Variants in CNTNAP2 observed in about 807,000 individuals in gnomAD.
CNTNAP2 encodes contactin associated protein 2.
Under a neutral mutation model 155.2 loss-of-function variants are expected in CNTNAP2, and 98 were observed. The ratio of observed to expected loss-of-function variants is 0.63; its 90% CI spans 0.54 to 0.75. CNTNAP2 has a LOEUF of 0.75. Among genes scored for constraint, CNTNAP2 ranks in the 30% least tolerant of loss-of-function variants. The probability of loss-of-function intolerance (pLI) is 0.00; values close to 1 mark genes in which losing one functional copy is unlikely to be tolerated. For synonymous variants in CNTNAP2, 651 were observed against 631.2 expected (o/e 1.03, Z -0.47); for missense variants, 1,727 against 1,688.1 (o/e 1.02, Z -0.40).
intron 1 of CNTNAP2, among the ~76,000 whole-genome samples, chr7:146,187,742 C>A (rs1798644649): frequency 6.6e-6 from 1 of 152,024 alleles, no homozygotes; most frequent in South Asian, 2.1e-4. Context: ...GAAATTCAAC[C>A]AACAACACGG....
At chr7:146,720,921 A>G (rs557422749) in intron 1 of CNTNAP2, among the ~76,000 whole-genome samples, 2 of 142,516 alleles carry the variant, frequency 1.4e-5, no homozygotes, top group East Asian at 4.2e-4. Flanking sequence ...TACTCTCTAT[A>G]TATTCTATAT....
At chr7:147,171,100 G>A (rs1052613061) in intron 8 of CNTNAP2, among the ~76,000 whole-genome samples, 1 of 152,126 alleles carries the variant, frequency 6.6e-6, no homozygotes, top group Non-Finnish European at 1.5e-5. Flanking sequence ...ACATCCATTG[G>A]GGTTTTGGGG....
At chr7:146,877,698 T>A (rs760679881) in intron 3 of CNTNAP2, among the ~76,000 whole-genome samples, 52 of 151,842 alleles carry the variant, frequency 3.4e-4, no homozygotes, top group South Asian at 1.0e-3. Context: ...CTTTTAAACT[T>A]TTTTAGCAGC....
chr7:146,421,756 A>G (rs897414112), intron 1 of CNTNAP2, among the ~76,000 whole-genome samples: 7 of 152,120 alleles, frequency 4.6e-5, no homozygotes, highest in Admixed American at 2.6e-4. Flanking sequence ...ATAAGATAAC[A>G]TATACTGAGT....
chr7:146,897,324 G>C (rs1340911317), intron 3 of CNTNAP2, among the ~76,000 whole-genome samples: 1 of 152,100 alleles, frequency 6.6e-6, no homozygotes, highest in Non-Finnish European at 1.5e-5. Flanking sequence ...AATAAGGTAG[G>C]CCATGTTTGA....
At chr7:146,428,593 T>A (rs561251725) in intron 1 of CNTNAP2, among the ~76,000 whole-genome samples, 1 of 152,096 alleles carries the variant, frequency 6.6e-6, no homozygotes, top group Non-Finnish European at 1.5e-5. Context: ...TTAATGGGGT[T>A]GTTTGTTTTT....
intron 1 of CNTNAP2, among the ~76,000 whole-genome samples, chr7:146,345,753 A>AAAGAAAAT (rs1469700263): frequency 6.6e-6 from 1 of 152,206 alleles, no homozygotes; most frequent in Non-Finnish European, 1.5e-5. Context: ...AAAGAAACCA[A>AAAGAAAAT]AAGAAAATGG....
chr7:146,299,398 ATTAT>A (rs1038932502), intron 1 of CNTNAP2, among the ~76,000 whole-genome samples: 1 of 152,040 alleles, frequency 6.6e-6, no homozygotes, highest in African/African-American at 2.4e-5. Flanking sequence ...AAAGCCAATG[ATTAT>A]TTATTTATTT....
chr7:146,174,940 A>T (rs999818161), intron 1 of CNTNAP2, among the ~76,000 whole-genome samples: 4 of 152,170 alleles, frequency 2.6e-5, no homozygotes, highest in African/African-American at 9.7e-5. Flanking sequence ...GATGCCCCCA[A>T]CTTTCCCATT....
At chr7:147,659,318 C>A (rs887453882) in intron 13 of CNTNAP2, among the ~76,000 whole-genome samples, 1 of 152,180 alleles carries the variant, frequency 6.6e-6, no homozygotes, top group Non-Finnish European at 1.5e-5. Flanking sequence ...TACTTTATTT[C>A]TTGGTAGCTT....
chr7:146,539,011 T>G (rs931516579), intron 1 of CNTNAP2, among the ~76,000 whole-genome samples: 2 of 152,078 alleles, frequency 1.3e-5, no homozygotes, highest in Non-Finnish European at 2.9e-5. Flanking sequence ...TTCATACACG[T>G]AGCCCATTTT....
At chr7:148,049,085 G>A (rs1780475613) in intron 15 of CNTNAP2, among the ~76,000 whole-genome samples, 1 of 151,968 alleles carries the variant, frequency 6.6e-6, no homozygotes, top group Non-Finnish European at 1.5e-5. Context: ...TGTAGTGGTA[G>A]GTGCCTGTAA....
At chr7:146,726,392 A>G (rs1395447703) in intron 1 of CNTNAP2, among the ~76,000 whole-genome samples, 2 of 151,732 alleles carry the variant, frequency 1.3e-5, no homozygotes, top group Non-Finnish European at 2.9e-5. Flanking sequence ...TAAGAGAACT[A>G]TTTTTTTTCT....
chr7:147,567,231 C>T (rs141200307), intron 12 of CNTNAP2, among the ~76,000 whole-genome samples: 63 of 152,238 alleles, frequency 4.1e-4, no homozygotes, highest in Middle Eastern at 3.4e-3. Context: ...TTCCCCAAAA[C>T]GGCTGACTCA....
At chr7:146,946,667 A>G (rs1269849286) in intron 3 of CNTNAP2, among the ~76,000 whole-genome samples, 1 of 152,186 alleles carries the variant, frequency 6.6e-6, no homozygotes, top group Non-Finnish European at 1.5e-5. Flanking sequence ...AGGCTCAAAC[A>G]CATCTTTATT....
chr7:147,848,401 ACTCCCTGACCC>A (rs991937097), intron 13 of CNTNAP2, among the ~76,000 whole-genome samples: 5 of 150,160 alleles, frequency 3.3e-5, no homozygotes, highest in African/African-American at 1.2e-4. Context: ...CGGAAAGGGA[ACTCCCTGACCC>A]CTTGCGCTTC....
intron 8 of CNTNAP2, among the ~76,000 whole-genome samples, chr7:147,133,967 G>A (rs761884263): frequency 2.6e-5 from 4 of 151,954 alleles, no homozygotes; most frequent in South Asian, 2.1e-4. Flanking sequence ...ACAGCAAATC[G>A]AAAATATCTG....
intron 8 of CNTNAP2, among the ~76,000 whole-genome samples, chr7:147,193,910 T>C (rs1231782108): frequency 6.6e-6 from 1 of 152,022 alleles, no homozygotes; most frequent in Non-Finnish European, 1.5e-5. Context: ...GAAAGTGGAT[T>C]TAAGCATTAG....
At chr7:147,586,036 G>A (rs1800612706) in intron 12 of CNTNAP2, among the ~76,000 whole-genome samples, 2 of 152,128 alleles carry the variant, frequency 1.3e-5, no homozygotes, top group South Asian at 4.1e-4. Flanking sequence ...GTCTGGAAAG[G>A]TGAAACTGAA....
Sources: gnomAD v4.1 joint callset for allele counts (sites outside exome capture counted in the v4.1 genomes callset) on GRCh38, gnomAD v4.1.1 for gene constraint, MANE v1.5 for transcripts, NCBI Gene and HGNC (gene_info 2026-07-23, HGNC 2026-07-21) for gene names.